The following CTNNA2 variants were observed in gnomAD, a reference collection of about 807,000 sequenced individuals.
CTNNA2 encodes the protein catenin alpha-2.
In CTNNA2, 42 loss-of-function variants were observed where a neutral mutation model predicts 101.0. That is an observed-to-expected ratio of 0.42 (90% CI 0.32 to 0.54). The LOEUF (loss-of-function observed/expected upper bound fraction) is 0.54. CTNNA2 is among the 20% of genes least tolerant of loss of function. CTNNA2 has a pLI of 0.14. For missense variants in CTNNA2, 871 were observed against 1,223.1 expected, an observed-to-expected ratio of 0.71 and a Z score of 4.29; for synonymous variants, 450 against 456.4, an observed-to-expected ratio of 0.99 and a Z score of 0.18.
Position 79,303,668 on chromosome 2 carries a change from G to T in CTNNA2, c.-405-9041G>T, listed in dbSNP as rs111465488. 6.3e-3 allele frequency among the ~76,000 whole-genome samples: 956 copies of T among 152,090 alleles called. 13 individuals are homozygous for T. The highest frequency in any genetic ancestry group is 0.062 in the East Asian group (319 of 5,132). ...CTAGGAGAGCCCTGATGAGGAAAGG[G>T]TTAGGTTCAGCCGTGTTGATGAGGC... On this transcript the variant is annotated intron_variant, in intron 2 of 21. Transcript: ENST00000466387.
chr2:79,367,337 T>C (rs1051908124), intron 3 of CTNNA2, among the ~76,000 whole-genome samples: 1 of 152,122 alleles, frequency 6.6e-6, no homozygotes, highest in Admixed American at 6.6e-5. Context: ...ATAGTAGTCC[T>C]AGCAGACTAA....
intron 3 of CTNNA2, among the ~76,000 whole-genome samples, chr2:79,831,754 T>A (rs1038597624): frequency 1.4e-5 from 2 of 144,852 alleles, no homozygotes; most frequent in African/African-American, 5.2e-5. Flanking sequence ...ATTTTTTTTT[T>A]AAATCGTTAC....
chr2:79,809,150 T>A (rs1213760030), intron 3 of CTNNA2, among the ~76,000 whole-genome samples: 1 of 152,198 alleles, frequency 6.6e-6, no homozygotes, highest in African/African-American at 2.4e-5. Context: ...TGGTATTCCA[T>A]GGTGGATATG....
chr2:79,493,443 C>T (rs1671224136), intron 4 of CTNNA2, among the ~76,000 whole-genome samples: 1 of 152,068 alleles, frequency 6.6e-6, no homozygotes, highest in Non-Finnish European at 1.5e-5. Flanking sequence ...TGGTGAAACC[C>T]CATCTCTACT....
intron 9 of CTNNA2, among the ~76,000 whole-genome samples, chr2:80,461,260 C>T (rs1572946612): frequency 6.6e-6 from 1 of 152,146 alleles, no homozygotes; most frequent in African/African-American, 2.4e-5. Context: ...TCCTTATCCT[C>T]CCCCATGCCT....
At chr2:79,615,043 T>A (rs1678526272) in intron 1 of CTNNA2, among the ~76,000 whole-genome samples, 4 of 152,280 alleles carry the variant, frequency 2.6e-5, no homozygotes, top group Non-Finnish European at 5.9e-5. Flanking sequence ...AGAGAGCATA[T>A]TTAATATTTT....
At chr2:80,374,586 A>G (rs930173413) in intron 7 of CTNNA2, among the ~76,000 whole-genome samples, 1 of 151,986 alleles carries the variant, frequency 6.6e-6, no homozygotes, top group East Asian at 1.9e-4. Flanking sequence ...GAAGGAGTCA[A>G]CAGGGTTGGT....
At chr2:80,073,992 T>C (rs1050908415) in intron 7 of CTNNA2, among the ~76,000 whole-genome samples, 1 of 152,198 alleles carries the variant, frequency 6.6e-6, no homozygotes, top group Non-Finnish European at 1.5e-5. Flanking sequence ...TATGTAGTGA[T>C]GGAGTCTGGG....
chr2:80,634,658 G>C (rs1301573124), intron 18 of CTNNA2, among the ~76,000 whole-genome samples: 2 of 152,074 alleles, frequency 1.3e-5, no homozygotes, highest in Admixed American at 6.6e-5. Context: ...GGTAAAGGGT[G>C]GGAAGCAAGG....
At chr2:79,789,673 C>G (rs533828872) in intron 3 of CTNNA2, among the ~76,000 whole-genome samples, 2 of 151,900 alleles carry the variant, frequency 1.3e-5, no homozygotes, top group Non-Finnish European at 2.9e-5. Flanking sequence ...AGGACAAACA[C>G]GTGGCACATT....
Position 79,596,787 on chromosome 2 carries a change from T to C in CTNNA2, c.-5-54765T>C, listed in dbSNP as rs967586693. ...GTATTCTCTGTAATTTGCCCTTAGC[T>C]GTATGGAAAACATCTTTGACCTACA... On this transcript the variant is annotated intron_variant, in intron 1 of 18. Transcript: ENST00000402739. Among the ~76,000 whole-genome samples the C allele has an allele frequency of 3.3e-5, 5 of 152,220 alleles. No individual in the cohort carries two copies. The South Asian group carries it at 1.0e-3, about 31-fold the overall frequency.
rs1389778167 is a variant in CTNNA2 at position 80,581,707 on chromosome 2, C to A, written c.1895C>A (p.Thr632Asn). ...DIRKAVLMIR[T>N]PEELEDDSDF... ...TGACTTATATCTTTTTGTCTTTAGA[C>A]CCCAGAAGAACTAGAGGATGATTCT... The change falls in exon 14 of 19, where the codon ACC becomes AAC. Residue 632 changes from threonine to asparagine, a missense_variant and splice_region_variant. By Grantham distance (65) the Thr-to-Asn change is moderately conservative. Transcript: ENST00000402739. The A allele has an allele frequency of 1.3e-6, 2 of 1,595,476 alleles. No homozygotes were observed. Among genetic ancestry groups the A allele is most frequent in the Non-Finnish European group, 8.6e-7 (1 of 1,163,490 alleles).
intron 7 of CTNNA2, among the ~76,000 whole-genome samples, chr2:80,205,718 C>A (rs1373803894): frequency 1.3e-5 from 2 of 152,176 alleles, no homozygotes; most frequent in Non-Finnish European, 2.9e-5. Flanking sequence ...GATTGCTAAA[C>A]CTTCTCTATT....
At chr2:80,531,127 G>A (rs1690501304) in intron 9 of CTNNA2, among the ~76,000 whole-genome samples, 1 of 152,138 alleles carries the variant, frequency 6.6e-6, no homozygotes, top group Non-Finnish European at 1.5e-5. Flanking sequence ...CATTTCTTTA[G>A]TCAGTTCCCT....
chr2:80,321,219 A>G (rs1678641828), intron 7 of CTNNA2, among the ~76,000 whole-genome samples: 1 of 152,146 alleles, frequency 6.6e-6, no homozygotes, highest in Non-Finnish European at 1.5e-5. Flanking sequence ...TATTTAGTGT[A>G]TAGATTATAA....
chr2:80,393,399 T>G (rs894687160), intron 8 of CTNNA2, 108 bp downstream of exon 8: 1 of 784,794 alleles, frequency 1.3e-6, no homozygotes, highest in Non-Finnish European at 2.1e-6. Context: ...TGTTATTCTT[T>G]ATAACATTTA....
intron 7 of CTNNA2, among the ~76,000 whole-genome samples, chr2:80,200,243 C>A (rs1707115672): frequency 6.6e-6 from 1 of 152,194 alleles, no homozygotes; most frequent in South Asian, 2.1e-4. Flanking sequence ...ATTCCACAGG[C>A]AGACTCTGTT....
chr2:79,205,953 T>C (rs1241644081), intron 2 of CTNNA2, among the ~76,000 whole-genome samples: 1 of 152,204 alleles, frequency 6.6e-6, no homozygotes, highest in South Asian at 2.1e-4. Flanking sequence ...TCTTGCTTTT[T>C]TCCCATTAGA....
At chr2:79,841,372 T>C (rs1486884005) in intron 3 of CTNNA2, among the ~76,000 whole-genome samples, 1 of 152,190 alleles carries the variant, frequency 6.6e-6, no homozygotes, top group Non-Finnish European at 1.5e-5. Context: ...TTAAATACTA[T>C]TAGCATTATT....
Sources: allele counts gnomAD v4.1 joint callset (sites outside exome capture counted in the v4.1 genomes callset), GRCh38; gene constraint gnomAD v4.1.1; transcripts MANE v1.5; gene names NCBI Gene and HGNC (gene_info 2026-07-23, HGNC 2026-07-21).